CD38: variants seen among roughly 807,000 people sequenced by gnomAD.
CD38 encodes the protein ADP-ribosyl cyclase/cyclic ADP-ribose hydrolase 1.
CD38 carries 31 observed loss-of-function variants against 36.3 expected under a neutral mutation model. The ratio of observed to expected loss-of-function variants is 0.85; its 90% confidence interval spans 0.64 to 1.15. The LOEUF is 1.15. Ranked by LOEUF, CD38 falls within the 50% of genes most tolerant of loss-of-function variation. CD38 has a pLI of 0.00. For synonymous variants in CD38, 131 were observed against 135.2 expected (o/e 0.97, Z 0.22); for missense variants, 380 against 371.9 (o/e 1.02, Z -0.18).
chr4:15,825,975 T>C (rs1330183974), intron 3 of CD38: 1 of 152,078 alleles, frequency 6.6e-6, no homozygotes, highest in African/African-American at 2.4e-5. Flanking sequence ...TTTTTGTTTA[T>C]ATGGTGGATA....
At chr4:15,802,909 A>G (rs1358674456) in intron 1 of CD38, among the ~76,000 whole-genome samples, 1 of 152,206 alleles carries the variant, frequency 6.6e-6, no homozygotes, top group African/African-American at 2.4e-5. Context: ...AAAATATAAT[A>G]CTATAGTAAA....
At chr4:15,817,642 T>A (rs889357535) in intron 2 of CD38, among the ~76,000 whole-genome samples, 1 of 152,184 alleles carries the variant, frequency 6.6e-6, no homozygotes, top group Admixed American at 6.5e-5. Context: ...GGCTTAGTGA[T>A]GTTTTGGTTG....
chr4:15,803,463 G>A (rs1723272720), intron 1 of CD38, among the ~76,000 whole-genome samples: 1 of 152,138 alleles, frequency 6.6e-6, no homozygotes. Flanking sequence ...ATCGGCAATT[G>A]ATCTGAACAG....
intron 1 of CD38, among the ~76,000 whole-genome samples, chr4:15,785,639 A>G (rs963235582): frequency 2.0e-5 from 3 of 151,856 alleles, no homozygotes; most frequent in Admixed American, 2.0e-4. Context: ...GTCAGTTTAG[A>G]TATTTTGGAG....
chr4:15,818,893 G>A (rs570429364), intron 2 of CD38, among the ~76,000 whole-genome samples: 2 of 152,220 alleles, frequency 1.3e-5, no homozygotes, highest in Non-Finnish European at 2.9e-5. Context: ...AATGCAAGAA[G>A]ATGAGAAAGA....
At chr4:15,821,778 C>T (rs1723741938) in intron 2 of CD38, among the ~76,000 whole-genome samples, 1 of 150,262 alleles carries the variant, frequency 6.7e-6, no homozygotes, top group Non-Finnish European at 1.5e-5. Context: ...GATACCCTTT[C>T]TTCTGAAACT....
intron 2 of CD38, among the ~76,000 whole-genome samples, chr4:15,819,183 T>TC (rs1723678686): frequency 6.6e-6 from 1 of 152,096 alleles, no homozygotes. Context: ...CCAGGGCCTG[T>TC]CAGGGGTGGG....
At chr4:15,802,468 C>T (rs1723247558) in intron 1 of CD38, among the ~76,000 whole-genome samples, 1 of 150,422 alleles carries the variant, frequency 6.6e-6, no homozygotes, top group African/African-American at 2.4e-5. Context: ...ATAAAAGACC[C>T]CAAATAGCCA....
At chr4:15,836,094 T>G (rs972951395) in intron 4 of CD38, among the ~76,000 whole-genome samples, 1 of 152,208 alleles carries the variant, frequency 6.6e-6, no homozygotes, top group Non-Finnish European at 1.5e-5. Flanking sequence ...AATGTATTTG[T>G]TAAGTGCATA....
intron 1 of CD38, among the ~76,000 whole-genome samples, chr4:15,806,369 G>A (rs1723340579): frequency 6.6e-6 from 1 of 152,176 alleles, no homozygotes; most frequent in Non-Finnish European, 1.5e-5. Context: ...TTTCCTGTGG[G>A]AGGCAGCATT....
Position 15,784,653 on chromosome 4 carries a change from T to C in CD38, c.233+6006T>C, listed in dbSNP as rs758023745. ...AACATCAGTGTCCTCACTGAGACCA[T>C]GAGATTCAGTAGAGTGCTGGAAAGC... On this transcript the variant is annotated intron_variant, in intron 1 of 7. Transcript: ENST00000226279. 1.1e-4 allele frequency among the ~76,000 whole-genome samples: 16 copies of C among 151,936 alleles called. No individual in the cohort carries two copies. In the East Asian group the frequency reaches 1.6e-3, roughly 15 times the overall value.
At chr4:15,782,976 T>A (rs1560304505) in intron 1 of CD38, among the ~76,000 whole-genome samples, 1 of 152,172 alleles carries the variant, frequency 6.6e-6, no homozygotes, top group East Asian at 1.9e-4. Context: ...AGGTGAGTAT[T>A]GAAGCTTGTT....
At chr4:15,837,117 T>G (rs940295668) in intron 4 of CD38, among the ~76,000 whole-genome samples, 2 of 152,206 alleles carry the variant, frequency 1.3e-5, no homozygotes, top group Non-Finnish European at 2.9e-5. Context: ...AGGACAGTGC[T>G]GTTGCTAAAA....
intron 1 of CD38, among the ~76,000 whole-genome samples, chr4:15,803,968 C>T (rs371498273): frequency 6.6e-6 from 1 of 152,292 alleles, no homozygotes; most frequent in African/African-American, 2.4e-5. Flanking sequence ...CATGTTGCTG[C>T]AAAATACATG....
chr4:15,791,159 G>T (rs1203289767), intron 1 of CD38, among the ~76,000 whole-genome samples: 1 of 106,858 alleles, frequency 9.4e-6, no homozygotes, highest in African/African-American at 4.8e-5. Context: ...CAGCCGCCCC[G>T]TCCGGGAGGG....
Position 15,852,915 on chromosome 4 carries a change from A to G in CD38, c.*4313A>G, listed in dbSNP as rs987684977. On this transcript the variant is annotated 3_prime_UTR_variant, in exon 8 of 8. Coordinates refer to ENST00000226279, the MANE Select transcript of CD38 (RefSeq NM_001775.4). ...GGCTCCACCCCCTGGGGTTCACGCC[A>G]TTCTCCTGCCTCAGCCTCCCAAGTA... 7 of 148,664 alleles carry G rather than the reference A, an allele frequency of 4.7e-5. No homozygotes were observed. The highest frequency in any genetic ancestry group is 1.8e-4 in the African/African-American group (7 of 39,974). 9.2% of individuals were successfully genotyped at this position (148,664 alleles called of 1,614,324 possible).
chr4:15,839,110 T>C (rs1346613323), intron 5 of CD38, among the ~76,000 whole-genome samples: 1 of 152,228 alleles, frequency 6.6e-6, no homozygotes, highest in African/African-American at 2.4e-5. Flanking sequence ...TAATTTTTCT[T>C]CTCTCCTGTT....
intron 3 of CD38, 109 bp downstream of exon 3, chr4:15,825,125 A>G: frequency 9.7e-7 from 1 of 1,027,688 alleles, no homozygotes; most frequent in Non-Finnish European, 1.4e-6. Context: ...ACAGGCACCC[A>G]TCCTGATGCC....
At chr4:15,796,836 A>G (rs971616879) in intron 1 of CD38, among the ~76,000 whole-genome samples, 1 of 152,144 alleles carries the variant, frequency 6.6e-6, no homozygotes, top group Non-Finnish European at 1.5e-5. Context: ...ATAATTATAT[A>G]GATTCCACTT....
Sources: gnomAD v4.1 joint callset for allele counts (sites outside exome capture counted in the v4.1 genomes callset) on GRCh38, gnomAD v4.1.1 for gene constraint, MANE v1.5 for transcripts, NCBI Gene and HGNC (gene_info 2026-07-23, HGNC 2026-07-21) for gene names.